PALS2: variants seen among roughly 807,000 people sequenced by gnomAD.
PALS2 encodes the protein protein PALS2.
In PALS2, 27 loss-of-function variants were observed where a neutral mutation model predicts 61.6. The ratio of observed to expected loss-of-function variants is 0.44; its 90% CI spans 0.32 to 0.60. The LOEUF is 0.60. PALS2 is among the 20% of genes least tolerant of loss of function. PALS2 has a pLI of 0.05. For missense variants in PALS2, 554 were observed against 639.4 expected (o/e 0.87, Z 1.44); for synonymous variants, 236 against 218.6 (o/e 1.08, Z -0.70).
intron 1 of PALS2, among the ~76,000 whole-genome samples, chr7:24,622,973 T>C (rs1784583571): frequency 6.6e-6 from 1 of 152,020 alleles, no homozygotes; most frequent in Admixed American, 6.6e-5. Context: ...ATAGAGTCTG[T>C]TGAGTTTTTA....
Position 24,693,601 on chromosome 7 carries a change from A to G in PALS2, c.*5987A>G, listed in dbSNP as rs1425996674. ...CATGGTCTAAATGAGAAATGCCTCC[A>G]TCTTTTCAGGTAGAACCAGATTTCA... is the stretch of plus-strand genomic sequence containing the variant. On this transcript the variant is annotated 3_prime_UTR_variant, in exon 12 of 12. Transcript: ENST00000222644. 1.3e-5 allele frequency: 2 copies of G among 152,228 alleles called. No individual in the cohort carries two copies. The highest frequency in any genetic ancestry group is 2.9e-5 in the Non-Finnish European group (2 of 68,024). The allele number at this position is 152,228 out of a possible 1,614,324, so 9.4% of individuals were successfully genotyped here. A position where few individuals can be genotyped will look rare whatever the true frequency, so the allele number is the denominator to read the frequency against.
chr7:24,588,262 A>C (rs1011832319), intron 1 of PALS2, among the ~76,000 whole-genome samples: 2 of 152,170 alleles, frequency 1.3e-5, no homozygotes, highest in Admixed American at 6.5e-5. Context: ...AACAGCTTAC[A>C]ATACCATATA....
intron 9 of PALS2, among the ~76,000 whole-genome samples, chr7:24,668,976 T>C (rs1331755726): frequency 6.6e-6 from 1 of 152,196 alleles, no homozygotes; most frequent in Non-Finnish European, 1.5e-5. Flanking sequence ...TACTGATGTC[T>C]ATCTAAAAAG....
intron 1 of PALS2, among the ~76,000 whole-genome samples, chr7:24,603,634 G>A (rs548638155): frequency 1.3e-5 from 2 of 152,170 alleles, no homozygotes; most frequent in African/African-American, 2.4e-5. Context: ...GAACACAGCC[G>A]TTGCTGATTT....
intron 11 of PALS2, among the ~76,000 whole-genome samples, chr7:24,683,855 A>G (rs748371976): frequency 2.0e-5 from 3 of 152,154 alleles, no homozygotes; most frequent in Non-Finnish European, 2.9e-5. Flanking sequence ...ATTTTTATTT[A>G]ACTTATTTTA....
intron 1 of PALS2, among the ~76,000 whole-genome samples, chr7:24,622,235 G>A (rs542567214): frequency 3.9e-5 from 6 of 152,098 alleles, no homozygotes; most frequent in East Asian, 3.9e-4. Flanking sequence ...GATAGGGAGT[G>A]TATTAAACCT....
intron 1 of PALS2, among the ~76,000 whole-genome samples, chr7:24,602,326 C>A (rs963895071): frequency 3.3e-5 from 5 of 151,896 alleles, no homozygotes; most frequent in Admixed American, 6.6e-5. Context: ...TTATTTTAAT[C>A]TCTTTCATTT....
intron 1 of PALS2, among the ~76,000 whole-genome samples, chr7:24,584,617 G>T (rs1212000815): frequency 1.3e-5 from 2 of 151,612 alleles, no homozygotes; most frequent in South Asian, 4.2e-4. Flanking sequence ...TAGGTTGCCT[G>T]TTCACTCTGA....
At chr7:24,613,072 A>G (rs1464508579) in intron 1 of PALS2, among the ~76,000 whole-genome samples, 8 of 151,658 alleles carry the variant, frequency 5.3e-5, no homozygotes, top group African/African-American at 1.7e-4. Flanking sequence ...TCCTTATTCT[A>G]TGATATTATA....
intron 10 of PALS2, among the ~76,000 whole-genome samples, chr7:24,679,821 A>G (rs1562663651): frequency 6.6e-6 from 1 of 152,172 alleles, no homozygotes; most frequent in Non-Finnish European, 1.5e-5. Context: ...AAAATTGTTA[A>G]TAGTTTCTTA....
intron 1 of PALS2, among the ~76,000 whole-genome samples, chr7:24,591,393 C>T (rs371724286): frequency 5.8e-4 from 88 of 152,170 alleles, no homozygotes; most frequent in Non-Finnish European, 3.7e-4. Flanking sequence ...GCTTGACATA[C>T]GTGGGCTCTT....
At chr7:24,642,017 C>G (rs939598457) in intron 3 of PALS2, 149 bp downstream of exon 3, 1 of 779,436 alleles carries the variant, frequency 1.3e-6, no homozygotes, top group African/African-American at 1.8e-5. Flanking sequence ...TTTTAATGTC[C>G]TCATATGCTG....
At chr7:24,612,709 ACT>A (rs1335606332) in intron 1 of PALS2, among the ~76,000 whole-genome samples, 4 of 151,876 alleles carry the variant, frequency 2.6e-5, no homozygotes, top group Non-Finnish European at 3.0e-5. Flanking sequence ...AGTCAGCCAA[ACT>A]CTCATAAATA....
At chr7:24,589,480 G>A (rs896932208) in intron 1 of PALS2, 1 of 152,126 alleles carries the variant, frequency 6.6e-6, no homozygotes. Context: ...CACACAACCA[G>A]CATTAGTAAG....
At chr7:24,639,720 T>G (rs1224725228) in intron 2 of PALS2, among the ~76,000 whole-genome samples, 1 of 151,724 alleles carries the variant, frequency 6.6e-6, no homozygotes, top group Non-Finnish European at 1.5e-5. Context: ...AAATATTGAG[T>G]GTCCTCATCT....
At chr7:24,637,296 C>CTTTTTTTTTTT (rs35499781) in intron 2 of PALS2, among the ~76,000 whole-genome samples, 2 of 109,514 alleles carry the variant, frequency 1.8e-5, no homozygotes, top group Non-Finnish European at 1.9e-5. Context: ...ACTTACTCAT[C>CTTTTTTTTTTT]TTTTTTTTTT....
intron 9 of PALS2, among the ~76,000 whole-genome samples, chr7:24,673,003 G>A (rs1787378192): frequency 2.6e-5 from 4 of 152,136 alleles, no homozygotes; most frequent in Admixed American, 2.6e-4. Flanking sequence ...AAGGAGAAAG[G>A]AGAAAGCATT....
rs201325876 is a variant in PALS2, at chr7:24,641,887, C to G, written c.270+19C>G. The G allele has an allele frequency of 8.1e-6, 13 of 1,607,540 alleles. No individual in the cohort carries two copies. The South Asian group carries it at 1.0e-4, about 12-fold the overall frequency. ...CTTCCAGGTAACTTTCCCTATCACTCAACTCTCAAGTTCCCTGTATTCCCA... is the reference window on the plus strand; with the variant it reads ...CTTCCAGGTAACTTTCCCTATCACTGAACTCTCAAGTTCCCTGTATTCCCA... On this transcript the variant is annotated intron_variant, in intron 3 of 11. Coordinates refer to ENST00000222644, the MANE Select transcript of PALS2 (RefSeq NM_001303037.2).
chr7:24,574,495 A>T (rs1337498499), intron 1 of PALS2, among the ~76,000 whole-genome samples: 1 of 151,926 alleles, frequency 6.6e-6, no homozygotes, highest in Non-Finnish European at 1.5e-5. Flanking sequence ...ACATTTGTTA[A>T]ACTTCCATCA....
Sources: gnomAD v4.1 joint callset for allele counts (sites outside exome capture counted in the v4.1 genomes callset) on GRCh38, gnomAD v4.1.1 for gene constraint, MANE v1.5 for transcripts, NCBI Gene and HGNC (gene_info 2026-07-23, HGNC 2026-07-21) for gene names.